The following NTN4 variants were observed in gnomAD, a reference collection of about 807,000 sequenced individuals.
NTN4 encodes netrin 4.
Under a neutral mutation model 73.6 loss-of-function variants are expected in NTN4, and 32 were observed. The ratio of observed to expected loss-of-function variants is 0.44; its 90% CI spans 0.33 to 0.58. The LOEUF (loss-of-function observed/expected upper bound fraction) is 0.58, where lower values mean the gene tolerates loss of function less well. Among genes scored for constraint, NTN4 ranks in the 20% least tolerant of loss-of-function variants. The pLI, the probability that NTN4 is intolerant of heterozygous loss-of-function variation, is 0.04. For missense variants in NTN4, 654 were observed against 798.3 expected, an observed-to-expected ratio of 0.82 and a Z score of 2.18; for synonymous variants, 258 against 287.5, an observed-to-expected ratio of 0.90 and a Z score of 1.04.
At chr12:95,748,230 C>CAAA (rs769213172) in intron 2 of NTN4, among the ~76,000 whole-genome samples, 17 of 76,538 alleles carry the variant, frequency 2.2e-4, no homozygotes, top group South Asian at 5.1e-4. Context: ...GACTCTGTCT[C>CAAA]AAAAAAAAAA....
intron 7 of NTN4, chr12:95,672,217 G>C (rs916201360): frequency 3.4e-6 from 2 of 584,676 alleles, no homozygotes; most frequent in African/African-American, 3.8e-5. Flanking sequence ...GGGGGCGGGC[G>C]GGGGGAGGGA....
chr12:95,784,570 C>T (rs10859948), intron 2 of NTN4, among the ~76,000 whole-genome samples: 92,707 of 151,842 alleles, frequency 0.61, 28,872 homozygotes, highest in Middle Eastern at 0.7. Context: ...AGTTCAAGAC[C>T]AGCCTGGCCA....
rs1419063904 is a variant in NTN4, at chr12:95,790,256, T to G, written c.54A>C (p.Ala18=). Residue 18 remains alanine, a splice_region_variant and synonymous_variant, in exon 1 of 10, where the codon GCA becomes GCC. Transcript: ENST00000343702. The surrounding 1 kb of genome is among the most constrained non-coding windows in gnomAD (Gnocchi z 6.5). ...LLLWGCTVVA[A]GLSGVAGVSS... is the part of the protein sequence containing the mutation. Reference sequence around the variant, plus strand: ...GGGCCCCGCCGCGTCACCACCCACCTGCGGCCACCACCGTGCAGCCCCAGA... The same window carrying G: ...GGGCCCCGCCGCGTCACCACCCACCGGCGGCCACCACCGTGCAGCCCCAGA... The G allele has an allele frequency of 1.3e-6, 2 of 1,533,940 alleles. No homozygotes were observed. The highest frequency in any genetic ancestry group is 1.8e-6 in the Non-Finnish European group (2 of 1,140,164).
intron 7 of NTN4, among the ~76,000 whole-genome samples, chr12:95,676,872 T>C (rs1042631431): frequency 6.6e-6 from 1 of 152,098 alleles, no homozygotes; most frequent in Non-Finnish European, 1.5e-5. Context: ...TAAGGACAGA[T>C]TGAGTAAAGG....
At chr12:95,663,789 G>A (rs1181207805) in intron 9 of NTN4, among the ~76,000 whole-genome samples, 1 of 152,126 alleles carries the variant, frequency 6.6e-6, no homozygotes, top group Non-Finnish European at 1.5e-5. Flanking sequence ...TTGATTCTTT[G>A]ACTTGGCTTG....
At chr12:95,731,337 G>A (rs1341806161) in intron 3 of NTN4, among the ~76,000 whole-genome samples, 1 of 152,160 alleles carries the variant, frequency 6.6e-6, no homozygotes, top group Non-Finnish European at 1.5e-5. Context: ...GGAGGGCAAG[G>A]TGGGCAGATC....
At chr12:95,776,223 G>C (rs1301255629) in intron 2 of NTN4, among the ~76,000 whole-genome samples, 1 of 152,192 alleles carries the variant, frequency 6.6e-6, no homozygotes, top group East Asian at 1.9e-4. Context: ...AAACAGAGGA[G>C]AAAAACTGGA....
intron 1 of NTN4, among the ~76,000 whole-genome samples, chr12:95,787,749 G>A (rs759993541): frequency 3.3e-5 from 5 of 152,152 alleles, no homozygotes; most frequent in Admixed American, 6.6e-5. Context: ...TTTAGGCAGA[G>A]GGCAAGAGGA....
At chr12:95,770,461 C>T (rs913838075) in intron 2 of NTN4, among the ~76,000 whole-genome samples, 10 of 152,118 alleles carry the variant, frequency 6.6e-5, no homozygotes, top group Non-Finnish European at 1.3e-4. Flanking sequence ...TGATGCAGCA[C>T]CAGTTTGATG....
chr12:95,701,856 A>G (rs529289153), intron 5 of NTN4, among the ~76,000 whole-genome samples: 2 of 152,304 alleles, frequency 1.3e-5, no homozygotes, highest in East Asian at 3.9e-4. Flanking sequence ...AATGCCATCA[A>G]TATTTGTTGA....
intron 2 of NTN4, among the ~76,000 whole-genome samples, chr12:95,764,692 A>G (rs1462527666): frequency 6.6e-6 from 1 of 151,580 alleles, no homozygotes; most frequent in Non-Finnish European, 1.5e-5. Context: ...AAAAAAAAAA[A>G]AGCTAAAAAA....
intron 2 of NTN4, among the ~76,000 whole-genome samples, chr12:95,764,848 T>A (rs145485974): frequency 0.011 from 1,699 of 152,232 alleles, 10 homozygotes; most frequent in Middle Eastern, 0.058. Context: ...ACGTTATAAC[T>A]CCCTAACTTG....
intron 3 of NTN4, among the ~76,000 whole-genome samples, chr12:95,722,840 TG>T (rs1027125377): frequency 1.3e-5 from 2 of 151,498 alleles, no homozygotes; most frequent in African/African-American, 4.9e-5. Flanking sequence ...CTGGGCATGG[TG>T]GTGTGTGCTG....
intron 2 of NTN4, among the ~76,000 whole-genome samples, chr12:95,744,037 G>C (rs1046356540): frequency 2.6e-5 from 4 of 152,118 alleles, no homozygotes; most frequent in African/African-American, 7.2e-5. Flanking sequence ...AGGTAGTTGG[G>C]ATTACAGGCT....
At chr12:95,713,657 T>G (rs1373883417) in intron 3 of NTN4, among the ~76,000 whole-genome samples, 1 of 152,198 alleles carries the variant, frequency 6.6e-6, no homozygotes, top group African/African-American at 2.4e-5. Flanking sequence ...TTTTTAAAAT[T>G]CTTTATGCAA....
intron 5 of NTN4, among the ~76,000 whole-genome samples, chr12:95,698,619 G>T (rs1451258007): frequency 1.3e-5 from 2 of 152,140 alleles, no homozygotes; most frequent in Non-Finnish European, 2.9e-5. Context: ...GGAGGCCAAG[G>T]TGGGAGGATC....
chr12:95,788,374 GACTTT>G (rs1371583945), intron 1 of NTN4, among the ~76,000 whole-genome samples: 1 of 152,162 alleles, frequency 6.6e-6, no homozygotes, highest in Non-Finnish European at 1.5e-5. Flanking sequence ...AGGTCCAACA[GACTTT>G]AATGTTTTAA....
At chr12:95,761,343 C>A (rs1294938670) in intron 2 of NTN4, among the ~76,000 whole-genome samples, 1 of 36,298 alleles carries the variant, frequency 2.8e-5, no homozygotes, top group Non-Finnish European at 5.9e-5. Context: ...TTTTTTTTCC[C>A]CAAGACGGAG....
Position 95,726,626 on chromosome 12 carries a change from C to T in NTN4, c.864+11240G>A, listed in dbSNP as rs2078696372. On this transcript the variant is annotated intron_variant, in intron 3 of 9. Transcript: ENST00000343702. Reference sequence around the variant, plus strand: ...TGTTTTCAATTCACTTGTGTATATACTGAGGGGTAGAATTGCTGGGTCATA... The same window carrying T: ...TGTTTTCAATTCACTTGTGTATATATTGAGGGGTAGAATTGCTGGGTCATA... Among the ~76,000 whole-genome samples, 3 of 152,002 alleles carry T rather than the reference C, an allele frequency of 2.0e-5. No homozygotes were observed. The South Asian group carries it at 6.2e-4, about 32-fold the overall frequency.
Sources: gnomAD v4.1 joint callset for allele counts (sites outside exome capture counted in the v4.1 genomes callset) on GRCh38, gnomAD v4.1.1 for gene constraint, Gnocchi (gnomAD v3.1) non-coding constraint, MANE v1.5 for transcripts, NCBI Gene and HGNC (gene_info 2026-07-23, HGNC 2026-07-21) for gene names.